FBP2: variants seen among roughly 807,000 people sequenced by gnomAD.
FBP2 encodes fructose-1,6-bisphosphatase isozyme 2.
Under a neutral mutation model 31.6 loss-of-function variants are expected in FBP2, and 27 were observed. The ratio of observed to expected loss-of-function variants is 0.85; its 90% CI spans 0.63 to 1.18. The LOEUF is 1.18. Ranked by LOEUF, FBP2 falls within the 50% of genes most tolerant of loss-of-function variation. The pLI, the probability that FBP2 is intolerant of heterozygous loss-of-function variation, is 0.00. For missense variants in FBP2, 421 were observed against 436.1 expected (o/e 0.97, Z 0.31); for synonymous variants, 168 against 179.8 (o/e 0.93, Z 0.53).
intron 5 of FBP2, 64 bp from the exon 6 acceptor site, chr9:94,563,525 T>G: frequency 3.8e-6 from 6 of 1,573,134 alleles, no homozygotes; most frequent in Non-Finnish European, 4.3e-6. Flanking sequence ...CACCTGCTCG[T>G]GGTCACAAGT....
chr9:94,563,245 C>T, intron 6 of FBP2, 97 bp downstream of exon 6: 1 of 1,369,026 alleles, frequency 7.3e-7, no homozygotes. Flanking sequence ...CACAGACATG[C>T]CATGAAGCAG....
intron 2 of FBP2, among the ~76,000 whole-genome samples, chr9:94,585,539 G>T (rs995218650): frequency 6.6e-6 from 1 of 151,160 alleles, no homozygotes; most frequent in Non-Finnish European, 1.5e-5. Flanking sequence ...GAGCCATGAG[G>T]GGGGGTCACA....
At chr9:94,589,304 C>T (rs1042759063) in intron 1 of FBP2, among the ~76,000 whole-genome samples, 1 of 152,202 alleles carries the variant, frequency 6.6e-6, no homozygotes, top group Non-Finnish European at 1.5e-5. Context: ...ATGGTGTTCC[C>T]ACCACAGCAG....
intron 1 of FBP2, among the ~76,000 whole-genome samples, chr9:94,590,582 T>C (rs566751879): frequency 1.5e-4 from 23 of 152,172 alleles, no homozygotes; most frequent in Non-Finnish European, 3.4e-4. Flanking sequence ...TTCCTCCCAG[T>C]GGGCTCGTGG....
chr9:94,566,335 C>T (rs1827189188), intron 5 of FBP2, among the ~76,000 whole-genome samples: 1 of 152,252 alleles, frequency 6.6e-6, no homozygotes, highest in Non-Finnish European at 1.5e-5. Flanking sequence ...GCAAGGAACA[C>T]CTGGCCCGCC....
In FBP2 at chr9:94,593,700, G is replaced by T; in HGVS notation, c.27C>A (p.Thr9=). MTDRSPFE[T]DMLTLTRYVM... ...CGTAGCGGGTCAGGGTGAGCATGTC[G>T]GTTTCGAAGGGGCTTCTGTCCGTCA... The change falls in exon 1 of 7, where the codon ACC becomes ACA. Residue 9 remains threonine, a synonymous_variant. Coordinates refer to ENST00000375337, the MANE Select transcript of FBP2 (RefSeq NM_003837.4). 6.2e-7 allele frequency: 1 copy of T among 1,614,152 alleles called. No individual in the cohort carries two copies.
intron 4 of FBP2, 94 bp downstream of exon 4, chr9:94,571,368 A>C: frequency 7.8e-7 from 1 of 1,275,900 alleles, no homozygotes; most frequent in South Asian, 2.0e-5. Flanking sequence ...AACAAGTATT[A>C]GGAATAACCA....
intron 5 of FBP2, 73 bp from the exon 6 acceptor site, chr9:94,563,534 G>C (rs1326280172): frequency 5.2e-6 from 8 of 1,551,692 alleles, no homozygotes; most frequent in Non-Finnish European, 7.0e-6. Flanking sequence ...GTGGTCACAA[G>C]TCCAGTTGGT....
chr9:94,592,310 T>G (rs1163335545), intron 1 of FBP2, among the ~76,000 whole-genome samples: 2 of 152,206 alleles, frequency 1.3e-5, no homozygotes, highest in African/African-American at 4.8e-5. Context: ...CCTAAATAAA[T>G]ACAGTCTGTG....
chr9:94,582,747 A>C (rs1827385371), intron 3 of FBP2, among the ~76,000 whole-genome samples: 1 of 149,276 alleles, frequency 6.7e-6, no homozygotes, highest in Non-Finnish European at 1.5e-5. Flanking sequence ...GCAGGGTTTC[A>C]CCATGTTAGC....
Position 94,567,371 on chromosome 9 carries a change from T to A in FBP2, c.604A>T (p.Lys202Ter), listed in dbSNP as rs1827205524. The stretch of plus-strand genomic sequence containing the variant: ...TAAATCTTTCCTTTCTTCTTAATCT[T>A]GACATCTTTTTCCACCAGGACAAAT... Reference protein sequence around the residue: ...GEFVLVEKDVKIKKKGKIYSL... With the variant: ...GEFVLVEKDV Residue 202 changes from lysine to a stop codon, truncating the protein, a stop_gained, in exon 5 of 7, where the codon AAG (lysine) becomes TAG (stop). Transcript: ENST00000375337. LOFTEE classifies it high-confidence loss of function. 6.2e-7 allele frequency: 1 copy of A among 1,614,034 alleles called. No individual in the cohort carries two copies. The highest frequency in any genetic ancestry group is 1.3e-5 in the African/African-American group (1 of 74,908).
At chr9:94,590,099 C>A (rs112732127) in intron 1 of FBP2, among the ~76,000 whole-genome samples, 1 of 151,940 alleles carries the variant, frequency 6.6e-6, no homozygotes, top group African/African-American at 2.4e-5. Context: ...TCTCTCCAGG[C>A]ACTGGGCAGC....
At chr9:94,564,757 C>G (rs745646996) in intron 5 of FBP2, among the ~76,000 whole-genome samples, 56 of 152,076 alleles carry the variant, frequency 3.7e-4, no homozygotes, top group Non-Finnish European at 7.4e-4. Flanking sequence ...AGCAAACCCC[C>G]ATGACAGGAG....
At chr9:94,569,254 G>T (rs501380) in intron 4 of FBP2, 73,931 of 152,054 alleles carry the variant, frequency 0.49, 18,590 homozygotes, top group African/African-American at 0.61. Context: ...AGCACTGGGG[G>T]TGGTGTCCAG....
intron 1 of FBP2, among the ~76,000 whole-genome samples, chr9:94,590,708 A>G (rs1163839744): frequency 9.2e-5 from 14 of 152,224 alleles, no homozygotes; most frequent in Admixed American, 8.5e-4. Flanking sequence ...AAGCCTCCAC[A>G]GTGTGGAAAG....
intron 1 of FBP2, among the ~76,000 whole-genome samples, chr9:94,591,790 T>C (rs1224496437): frequency 6.6e-6 from 1 of 152,190 alleles, no homozygotes; most frequent in Non-Finnish European, 1.5e-5. Flanking sequence ...GATGCTACTA[T>C]ACTCTCCATT....
At chr9:94,591,840 G>T (rs575418988) in intron 1 of FBP2, among the ~76,000 whole-genome samples, 2 of 152,228 alleles carry the variant, frequency 1.3e-5, no homozygotes, top group East Asian at 1.9e-4. Context: ...AGTAAATCAC[G>T]CCCATTATCA....
chr9:94,565,792 TA>T (rs933577545), intron 5 of FBP2, among the ~76,000 whole-genome samples: 5 of 126,172 alleles, frequency 4.0e-5, no homozygotes, highest in East Asian at 2.7e-4. Flanking sequence ...AGATAGATGA[TA>T]GATAGGTGAG....
chr9:94,588,556 G>A (rs1190253908), intron 1 of FBP2, among the ~76,000 whole-genome samples: 1 of 152,188 alleles, frequency 6.6e-6, no homozygotes, highest in Non-Finnish European at 1.5e-5. Flanking sequence ...CTGGGGAGGT[G>A]GAGGTTGCAG....
Sources: gnomAD v4.1 joint callset for allele counts (sites outside exome capture counted in the v4.1 genomes callset) on GRCh38, gnomAD v4.1.1 for gene constraint, MANE v1.5 for transcripts, NCBI Gene and HGNC (gene_info 2026-07-23, HGNC 2026-07-21) for gene names.